Variants in NEGR1 observed in about 807,000 individuals in gnomAD.
The protein encoded by NEGR1 is IgLON family member 4.
A neutral mutation model predicts 40.9 loss-of-function variants in NEGR1; 10 were observed. The ratio of observed to expected loss-of-function variants is 0.24; its 90% CI spans 0.15 to 0.42. The LOEUF (loss-of-function observed/expected upper bound fraction) is 0.42. Among genes scored for constraint, NEGR1 ranks in the 10% least tolerant of loss-of-function variants. The pLI, the probability that NEGR1 is intolerant of heterozygous loss-of-function variation, is 1.00. For missense variants in NEGR1, 352 were observed against 438.9 expected (o/e 0.80, Z 1.77); for synonymous variants, 185 against 166.8 (o/e 1.11, Z -0.84).
At chr1:71,851,075 G>A (rs1049274486) in intron 2 of NEGR1, among the ~76,000 whole-genome samples, 2 of 152,168 alleles carry the variant, frequency 1.3e-5, no homozygotes, top group African/African-American at 4.8e-5. Context: ...GGCTCTTTGA[G>A]TAGAGAAGGA....
chr1:72,269,757 T>G (rs1471202242), intron 1 of NEGR1, among the ~76,000 whole-genome samples: 1 of 151,654 alleles, frequency 6.6e-6, no homozygotes, highest in Non-Finnish European at 1.5e-5. Flanking sequence ...TGAGAGGTTT[T>G]TTTCAGAATA....
intron 1 of NEGR1, among the ~76,000 whole-genome samples, chr1:72,214,863 AT>A (rs1467493382): frequency 3.7e-4 from 55 of 150,028 alleles, no homozygotes; most frequent in African/African-American, 1.1e-3. Flanking sequence ...AAAAAAAAAA[AT>A]ACTAATGTAA....
At chr1:71,840,864 C>T (rs761910683) in intron 2 of NEGR1, among the ~76,000 whole-genome samples, 29 of 152,048 alleles carry the variant, frequency 1.9e-4, no homozygotes, top group Non-Finnish European at 3.1e-4. Context: ...ATAATATAGG[C>T]GGGCCCCATC....
intron 1 of NEGR1, among the ~76,000 whole-genome samples, chr1:72,034,079 T>C (rs1037716549): frequency 6.6e-6 from 1 of 152,274 alleles, no homozygotes; most frequent in African/African-American, 2.4e-5. Flanking sequence ...GACTGTTTTC[T>C]TGTATTCTTA....
At chr1:71,648,359 T>G (rs377332949) in intron 4 of NEGR1, among the ~76,000 whole-genome samples, 50 of 152,046 alleles carry the variant, frequency 3.3e-4, no homozygotes, top group African/African-American at 1.1e-3. Context: ...TATACACAGA[T>G]GAAGTCCAGT....
rs1557514439 is a variant in NEGR1 at position 71,403,474 on chromosome 1, A to C, written c.*3972T>G. 1.3e-5 allele frequency: 2 copies of C among 156,170 alleles called. No homozygotes were observed. Among genetic ancestry groups the C allele is most frequent in the East Asian group, 3.7e-4 (2 of 5,432 alleles). 9.7% of individuals were successfully genotyped at this position (156,170 alleles called of 1,614,324 possible). A position where few individuals can be genotyped will look rare whatever the true frequency, so the allele number is the denominator to read the frequency against. The stretch of plus-strand genomic sequence containing the variant: ...AAAGGTTCTAAATAATTAATAATAA[A>C]ATGTTTCCAGAAAATTTATTTTTAG... On this transcript the variant is annotated 3_prime_UTR_variant, in exon 7 of 7. Transcript: ENST00000357731.
At chr1:71,756,950 G>T (rs76804187) in intron 3 of NEGR1, among the ~76,000 whole-genome samples, 1 of 151,604 alleles carries the variant, frequency 6.6e-6, no homozygotes, top group East Asian at 1.9e-4. Flanking sequence ...AAGTTCTCAA[G>T]ACTTTAGAAT....
In NEGR1 at chr1:71,470,273, C is replaced by T. The variant is rs148254161; in HGVS notation, c.941-62703G>A. 1.8e-4 allele frequency among the ~76,000 whole-genome samples: 27 copies of T among 152,046 alleles called. 1 individual carries two copies. The East Asian group carries it at 2.1e-3, about 12-fold the overall frequency. ...TTATTTATTTTTTGCATGTTTATTA[C>T]AGATACTGACTTCACAAAATGCAAC... On this transcript the variant is annotated intron_variant, in intron 6 of 6. Coordinates refer to ENST00000357731, the MANE Select transcript of NEGR1 (RefSeq NM_173808.3).
intron 1 of NEGR1, among the ~76,000 whole-genome samples, chr1:72,246,689 A>G (rs938692294): frequency 1.3e-5 from 2 of 152,170 alleles, no homozygotes; most frequent in Admixed American, 6.5e-5. Flanking sequence ...CAATTCTGCA[A>G]TTGGGAGGGC....
At chr1:71,509,553 C>T (rs1015302981) in intron 6 of NEGR1, among the ~76,000 whole-genome samples, 4 of 152,190 alleles carry the variant, frequency 2.6e-5, no homozygotes, top group Admixed American at 1.3e-4. Context: ...TACAATTGGA[C>T]CAGGACTTAT....
At chr1:72,022,127 C>T (rs1268957450) in intron 1 of NEGR1, among the ~76,000 whole-genome samples, 3 of 151,030 alleles carry the variant, frequency 2.0e-5, no homozygotes, top group South Asian at 4.2e-4. Flanking sequence ...AGAGGGAGAC[C>T]CCATCTCAGA....
chr1:71,717,499 C>T (rs1030256747), intron 3 of NEGR1, among the ~76,000 whole-genome samples: 7 of 152,098 alleles, frequency 4.6e-5, no homozygotes, highest in Non-Finnish European at 7.4e-5. Context: ...TATTTATGTG[C>T]CATATCTTTC....
intron 1 of NEGR1, among the ~76,000 whole-genome samples, chr1:72,176,490 T>C (rs1652168954): frequency 6.6e-6 from 1 of 151,996 alleles, no homozygotes; most frequent in African/African-American, 2.4e-5. Context: ...CACATTATTA[T>C]GAGGGTCCAG....
chr1:72,065,472 G>GACAA (rs931686624), intron 1 of NEGR1, among the ~76,000 whole-genome samples: 1 of 151,950 alleles, frequency 6.6e-6, no homozygotes, highest in East Asian at 1.9e-4. Flanking sequence ...ATTTGAAATA[G>GACAA]ACAAACAAAC....
At chr1:72,071,671 AC>A (rs1299819082) in intron 1 of NEGR1, among the ~76,000 whole-genome samples, 7 of 151,970 alleles carry the variant, frequency 4.6e-5, no homozygotes, top group Non-Finnish European at 8.8e-5. Flanking sequence ...CTCTCATCCC[AC>A]TTTTGCACTA....
intron 6 of NEGR1, among the ~76,000 whole-genome samples, chr1:71,478,556 C>A (rs999196639): frequency 5.3e-5 from 8 of 152,024 alleles, no homozygotes; most frequent in African/African-American, 1.9e-4. Flanking sequence ...ACCCTGCACT[C>A]TTCTGTTCTT....
At chr1:71,750,351 CA>C (rs1397384687) in intron 3 of NEGR1, among the ~76,000 whole-genome samples, 2 of 152,160 alleles carry the variant, frequency 1.3e-5, no homozygotes, top group Non-Finnish European at 2.9e-5. Flanking sequence ...CCTATATGAG[CA>C]AAGGTCAGAT....
At chr1:71,553,370 C>T (rs2087662804) in intron 6 of NEGR1, among the ~76,000 whole-genome samples, 1 of 151,480 alleles carries the variant, frequency 6.6e-6, no homozygotes, top group African/African-American at 2.4e-5. Context: ...TAATTTTCAA[C>T]TTATAACTGT....
intron 6 of NEGR1, among the ~76,000 whole-genome samples, chr1:71,560,325 A>G (rs1438141145): frequency 1.3e-5 from 2 of 150,418 alleles, no homozygotes; most frequent in Non-Finnish European, 1.5e-5. Flanking sequence ...TACCTTCCCA[A>G]TATCTACATT....
Sources: gnomAD v4.1 joint callset for allele counts (sites outside exome capture counted in the v4.1 genomes callset) on GRCh38, gnomAD v4.1.1 for gene constraint, MANE v1.5 for transcripts, NCBI Gene and HGNC (gene_info 2026-07-23, HGNC 2026-07-21) for gene names.